The following CTNNA2 variants were observed in gnomAD, a reference collection of about 807,000 sequenced individuals.
The protein encoded by CTNNA2 is catenin alpha 2.
Under a neutral mutation model 101.0 loss-of-function variants are expected in CTNNA2, and 42 were observed. That is an observed-to-expected ratio of 0.42 (90% CI 0.32 to 0.54). The LOEUF is 0.54. CTNNA2 is among the 20% of genes least tolerant of loss of function. CTNNA2 has a pLI of 0.14. For synonymous variants in CTNNA2, 450 were observed against 456.4 expected (o/e 0.99, Z 0.18); for missense variants, 871 against 1,223.1 (o/e 0.71, Z 4.29).
intron 7 of CTNNA2, among the ~76,000 whole-genome samples, chr2:80,122,897 C>A (rs1701920028): frequency 6.6e-6 from 1 of 152,118 alleles, no homozygotes; most frequent in South Asian, 2.1e-4. Flanking sequence ...ACTGCAGAGT[C>A]AGCTTATCAC....
At chr2:80,209,622 C>G (rs946441717) in intron 7 of CTNNA2, among the ~76,000 whole-genome samples, 1 of 151,976 alleles carries the variant, frequency 6.6e-6, no homozygotes, top group African/African-American at 2.4e-5. Flanking sequence ...CACACACACA[C>G]AGACACACCA....
chr2:80,624,578 T>A (rs1221319365), intron 18 of CTNNA2, among the ~76,000 whole-genome samples: 3 of 152,018 alleles, frequency 2.0e-5, no homozygotes, highest in Non-Finnish European at 4.4e-5. Context: ...GCAACAAGGA[T>A]TGATTCTAAT....
At chr2:80,483,354 G>A (rs1266785562) in intron 9 of CTNNA2, among the ~76,000 whole-genome samples, 1 of 143,618 alleles carries the variant, frequency 7.0e-6, no homozygotes, top group Non-Finnish European at 1.5e-5. Flanking sequence ...TCCATCTAGA[G>A]TCATGTTGTT....
chr2:80,383,215 C>A (rs1676677511), intron 7 of CTNNA2, among the ~76,000 whole-genome samples: 1 of 152,186 alleles, frequency 6.6e-6, no homozygotes, highest in Non-Finnish European at 1.5e-5. Context: ...TGTAACCTTA[C>A]ACAGGTGCCA....
At chr2:80,409,220 T>A (rs2149391173) in intron 8 of CTNNA2, among the ~76,000 whole-genome samples, 1 of 139,974 alleles carries the variant, frequency 7.1e-6, no homozygotes, top group South Asian at 2.3e-4. Flanking sequence ...TCTTCTGGGC[T>A]AAGTTAGACA....
chr2:79,951,561 A>G (rs933761780), intron 7 of CTNNA2, among the ~76,000 whole-genome samples: 2 of 152,110 alleles, frequency 1.3e-5, no homozygotes, highest in African/African-American at 4.8e-5. Context: ...GCTACATGGG[A>G]AACGGAGGCA....
At chr2:80,266,425 G>A (rs774716887) in intron 7 of CTNNA2, among the ~76,000 whole-genome samples, 1 of 152,200 alleles carries the variant, frequency 6.6e-6, no homozygotes, top group Non-Finnish European at 1.5e-5. Context: ...CCCTTCAGAC[G>A]CCTGTGGGCC....
intron 16 of CTNNA2, among the ~76,000 whole-genome samples, chr2:80,607,118 A>G (rs1391675911): frequency 1.3e-5 from 2 of 151,904 alleles, no homozygotes; most frequent in Non-Finnish European, 2.9e-5. Context: ...GTATTGATAA[A>G]AGAATTTCCT....
chr2:79,279,347 G>T (rs1368073384), intron 2 of CTNNA2, among the ~76,000 whole-genome samples: 1 of 152,072 alleles, frequency 6.6e-6, no homozygotes, highest in East Asian at 1.9e-4. Flanking sequence ...TGAATGAGGG[G>T]AGGAAATTCA....
intron 2 of CTNNA2, among the ~76,000 whole-genome samples, chr2:79,734,995 A>T (rs1330880445): frequency 6.6e-6 from 1 of 152,136 alleles, no homozygotes; most frequent in Non-Finnish European, 1.5e-5. Flanking sequence ...GTCAGTAGAA[A>T]CACTTTTACC....
At chr2:80,438,681 C>G (rs1682271349) in intron 9 of CTNNA2, among the ~76,000 whole-genome samples, 1 of 152,096 alleles carries the variant, frequency 6.6e-6, no homozygotes, top group African/African-American at 2.4e-5. Flanking sequence ...GTTCCTTGAA[C>G]TCTAGAGTCT....
In CTNNA2 at chr2:80,032,524, AAC is replaced by A. The variant is rs151181851; in HGVS notation, c.1056+122740_1056+122741del. Among the ~76,000 whole-genome samples, 19 of 152,090 alleles carry A rather than the reference AAC, an allele frequency of 1.2e-4. No homozygotes were observed. In the South Asian group the frequency reaches 2.9e-3, roughly 23 times the overall value. ...AAAATTAAATAATTATTCTTGATTA[AAC>A]ACACACACACACTCAAAATAAGTAT... On this transcript the variant is annotated intron_variant, in intron 7 of 18. Coordinates refer to ENST00000402739, the MANE Select transcript of CTNNA2 (RefSeq NM_001282597.3).
At chr2:79,930,508 C>T (rs757528145) in intron 7 of CTNNA2, among the ~76,000 whole-genome samples, 1 of 152,098 alleles carries the variant, frequency 6.6e-6, no homozygotes, top group Non-Finnish European at 1.5e-5. Context: ...GAGAATGAAA[C>T]TTTTGCGAAA....
intron 3 of CTNNA2, among the ~76,000 whole-genome samples, chr2:79,751,092 T>A (rs1320554224): frequency 6.6e-6 from 1 of 152,020 alleles, no homozygotes; most frequent in African/African-American, 2.4e-5. Flanking sequence ...ATAGCTGAAA[T>A]TAACAAGAAG....
chr2:80,078,563 T>C (rs568062552), intron 7 of CTNNA2, among the ~76,000 whole-genome samples: 1 of 152,322 alleles, frequency 6.6e-6, no homozygotes, highest in Admixed American at 6.5e-5. Flanking sequence ...GGTGTATGGG[T>C]TGCAGATGTC....
intron 7 of CTNNA2, among the ~76,000 whole-genome samples, chr2:80,236,606 G>A (rs1403147144): frequency 1.3e-5 from 2 of 152,162 alleles, no homozygotes; most frequent in African/African-American, 4.8e-5. Flanking sequence ...GTGTGTGCAG[G>A]AGGAAAGGAA....
intron 18 of CTNNA2, among the ~76,000 whole-genome samples, chr2:80,632,122 T>A (rs967030459): frequency 2.6e-4 from 39 of 152,020 alleles, no homozygotes; most frequent in African/African-American, 9.4e-4. Flanking sequence ...GAACAGACCA[T>A]CCATAATCTC....
At chr2:79,400,188 G>A (rs1489884117) in intron 4 of CTNNA2, among the ~76,000 whole-genome samples, 2 of 152,044 alleles carry the variant, frequency 1.3e-5, no homozygotes, top group Admixed American at 1.3e-4. Context: ...CTTTCTTAAG[G>A]AGACAGTCAG....
intron 9 of CTNNA2, among the ~76,000 whole-genome samples, chr2:80,481,349 C>T (rs530626495): frequency 6.6e-6 from 1 of 152,134 alleles, no homozygotes; most frequent in South Asian, 2.1e-4. Flanking sequence ...CCAAGTTCCT[C>T]GTTTGTAAAA....
Sources: allele counts gnomAD v4.1 joint callset (sites outside exome capture counted in the v4.1 genomes callset), GRCh38; gene constraint gnomAD v4.1.1; transcripts MANE v1.5; gene names NCBI Gene and HGNC (gene_info 2026-07-23, HGNC 2026-07-21).